Variants in PIK3R3 observed in about 807,000 individuals in gnomAD.
PIK3R3 encodes the protein phosphoinositide-3-kinase regulatory subunit 3, also known as phosphatidylinositol 3-kinase regulatory subunit gamma.
Under a neutral mutation model 62.9 loss-of-function variants are expected in PIK3R3, and 64 were observed. The observed-to-expected ratio is 1.02, with a 90% confidence interval of 0.83 to 1.25. The LOEUF (loss-of-function observed/expected upper bound fraction) is 1.25, where lower values mean the gene tolerates loss of function less well. Ranked by LOEUF, PIK3R3 falls within the 50% of genes most tolerant of loss-of-function variation. The pLI, the probability that PIK3R3 is intolerant of heterozygous loss-of-function variation, is 0.00. For synonymous variants in PIK3R3, 165 were observed against 189.0 expected (o/e 0.87, Z 1.04); for missense variants, 614 against 561.6 (o/e 1.09, Z -0.94).
At chr1:46,046,128 T>A in intron 8 of PIK3R3, 40 bp from the exon 9 acceptor site, 2 of 1,261,490 alleles carry the variant, frequency 1.6e-6, no homozygotes, top group Non-Finnish European at 2.2e-6. Flanking sequence ...AACAAGTTAC[T>A]TCTATCTAAA....
At chr1:46,091,920 GTAT>G (rs1651674694) in intron 1 of PIK3R3, among the ~76,000 whole-genome samples, 1 of 151,958 alleles carries the variant, frequency 6.6e-6, no homozygotes, top group South Asian at 2.1e-4. Context: ...ATTTTTATTT[GTAT>G]TATTTTTGTT....
At chr1:46,091,501 G>C (rs995063219) in intron 1 of PIK3R3, among the ~76,000 whole-genome samples, 12 of 142,526 alleles carry the variant, frequency 8.4e-5, no homozygotes, top group Non-Finnish European at 1.1e-4. Flanking sequence ...CACACACACA[G>C]AGAATGTGAA....
intron 5 of PIK3R3, among the ~76,000 whole-genome samples, chr1:46,063,905 A>G (rs924255736): frequency 6.6e-6 from 1 of 152,232 alleles, no homozygotes; most frequent in Admixed American, 6.5e-5. Flanking sequence ...CAAATCACAG[A>G]TAAGCTTCTT....
intron 3 of PIK3R3, among the ~76,000 whole-genome samples, chr1:46,071,728 T>TAG (rs1311797181): frequency 3.9e-4 from 19 of 48,942 alleles, no homozygotes; most frequent in South Asian, 1.0e-3. Flanking sequence ...TATATATATA[T>TAG]ATAGAGAGAG....
At chr1:46,071,396 G>A (rs374786803) in intron 3 of PIK3R3, among the ~76,000 whole-genome samples, 74 of 152,000 alleles carry the variant, frequency 4.9e-4, no homozygotes, top group African/African-American at 1.7e-3. Context: ...CGGTTCTGGA[G>A]CAGCTAGAAG....
the PIK3R3 span, among the ~76,000 whole-genome samples, chr1:46,140,113 C>T: frequency 6.6e-6 from 1 of 152,090 alleles, no homozygotes; most frequent in African/African-American, 2.4e-5. Flanking sequence ...TTCAGCCTCC[C>T]GAGTAGCTGG....
chr1:46,131,688 G>T (rs113942456), intron 1 of PIK3R3, 159 bp downstream of exon 1: 1 of 512,058 alleles, frequency 2.0e-6, no homozygotes, highest in Non-Finnish European at 3.6e-6. Context: ...AACTTTAAAC[G>T]TGTAAACCAG....
the PIK3R3 span, among the ~76,000 whole-genome samples, chr1:46,152,297 C>T: frequency 6.6e-6 from 1 of 151,852 alleles, no homozygotes; most frequent in Non-Finnish European, 1.5e-5. Flanking sequence ...ATCTACCGCC[C>T]ACAGCATCTC....
upstream of PIK3R3, chr1:46,133,056 G>C (rs949106774): frequency 7.9e-6 from 8 of 1,017,598 alleles, no homozygotes; most frequent in Non-Finnish European, 8.3e-6. Flanking sequence ...TGGAGCCTGC[G>C]TCTTTTGTCT....
chr1:46,164,259 C>G, the PIK3R3 span, among the ~76,000 whole-genome samples: 1 of 152,170 alleles, frequency 6.6e-6, no homozygotes, highest in Admixed American at 6.5e-5. Flanking sequence ...ACCCAGGACC[C>G]AAGCTGGAAA....
chr1:46,104,420 C>T (rs1350836108), intron 1 of PIK3R3, among the ~76,000 whole-genome samples: 1 of 152,086 alleles, frequency 6.6e-6, no homozygotes, highest in Non-Finnish European at 1.5e-5. Flanking sequence ...CCTATTAAAG[C>T]TATCTTTTCA....
intron 1 of PIK3R3, among the ~76,000 whole-genome samples, chr1:46,109,509 A>C (rs939301351): frequency 6.6e-6 from 1 of 151,676 alleles, no homozygotes; most frequent in Non-Finnish European, 1.5e-5. Context: ...TTTGAGATGG[A>C]GTCTCCGCCT....
At chr1:46,157,761 G>A in the PIK3R3 span, among the ~76,000 whole-genome samples, 1 of 152,190 alleles carries the variant, frequency 6.6e-6, no homozygotes, top group African/African-American at 2.4e-5. Context: ...AAGTGCCCAA[G>A]GGTGCTGAAG....
At chr1:46,067,253 C>CATATATATATATAT (rs71307629) in intron 3 of PIK3R3, among the ~76,000 whole-genome samples, 162 bp from the exon 4 acceptor site, 2,148 of 130,178 alleles carry the variant, frequency 0.017, 28 homozygotes, top group African/African-American at 0.021. Flanking sequence ...TGTGTGTGAA[C>CATATATATATATAT]ATATATATAT....
chr1:46,050,141 T>A (rs947328403), intron 7 of PIK3R3, among the ~76,000 whole-genome samples: 173 of 119,060 alleles, frequency 1.5e-3, no homozygotes, highest in Middle Eastern at 4.8e-3. Flanking sequence ...AAAAAAAAAA[T>A]GAGGAATGAA....
the PIK3R3 span, among the ~76,000 whole-genome samples, chr1:46,162,923 G>A: frequency 2.6e-5 from 4 of 152,120 alleles, no homozygotes; most frequent in East Asian, 1.9e-4. Flanking sequence ...ATGCCCGACC[G>A]CACTGTTTAT....
At chr1:46,165,195 C>A in the PIK3R3 span, among the ~76,000 whole-genome samples, 1 of 152,058 alleles carries the variant, frequency 6.6e-6, no homozygotes, top group Admixed American at 6.6e-5. Flanking sequence ...ACACATACCC[C>A]CAAACTAGGC....
intron 3 of PIK3R3, among the ~76,000 whole-genome samples, chr1:46,069,550 G>A (rs1026423156): frequency 3.9e-5 from 6 of 151,960 alleles, no homozygotes; most frequent in African/African-American, 1.5e-4. Context: ...TTTAAAGGGG[G>A]AAAAAGTTTG....
chr1:46,045,826 T>G (rs548628612), intron 9 of PIK3R3, 92 bp downstream of exon 9: 2 of 1,161,464 alleles, frequency 1.7e-6, no homozygotes, highest in Admixed American at 1.8e-5. Flanking sequence ...TTACTGTACA[T>G]TAACTAATTT....
Sources: gnomAD v4.1 joint callset for allele counts (sites outside exome capture counted in the v4.1 genomes callset) on GRCh38, gnomAD v4.1.1 for gene constraint, MANE v1.5 for transcripts, NCBI Gene and HGNC (gene_info 2026-07-23, HGNC 2026-07-21) for gene names.